The following SH3D19 variants were observed in gnomAD, a reference collection of about 807,000 sequenced individuals.
The protein encoded by SH3D19 is SH3 domain-containing protein 19.
Under a neutral mutation model 112.1 loss-of-function variants are expected in SH3D19, and 58 were observed. The observed-to-expected ratio is 0.52, with a 90% CI of 0.42 to 0.64. The LOEUF (loss-of-function observed/expected upper bound fraction) is 0.64. Ranked by LOEUF, SH3D19 falls within the 30% of genes least tolerant of loss-of-function variation. The probability of loss-of-function intolerance (pLI) is 0.00; values close to 1 mark genes in which losing one functional copy is unlikely to be tolerated. For synonymous variants in SH3D19, 391 were observed against 448.5 expected (o/e 0.87, Z 1.62); for missense variants, 1,090 against 1,263.4 (o/e 0.86, Z 2.08).
intron 19 of SH3D19, among the ~76,000 whole-genome samples, chr4:151,126,455 C>T (rs1450859069): frequency 6.6e-6 from 1 of 152,138 alleles, no homozygotes; most frequent in African/African-American, 2.4e-5. Flanking sequence ...AAAGTGCTTT[C>T]CTCTGACTAT....
chr4:151,183,741 C>A (rs2149842626), intron 3 of SH3D19, among the ~76,000 whole-genome samples: 1 of 152,224 alleles, frequency 6.6e-6, no homozygotes, highest in East Asian at 1.9e-4. Flanking sequence ...CAATGAAAAT[C>A]ACAATAATAT....
At chr4:151,310,911 G>A (rs1166655705) in intron 1 of SH3D19, among the ~76,000 whole-genome samples, 1 of 151,188 alleles carries the variant, frequency 6.6e-6, no homozygotes, top group Non-Finnish European at 1.5e-5. Context: ...GCACTCCCAT[G>A]TTCACTGCAG....
chr4:151,281,041 C>T (rs55855806), intron 1 of SH3D19, among the ~76,000 whole-genome samples: 52,666 of 151,850 alleles, frequency 0.35, 10,306 homozygotes, highest in Non-Finnish European at 0.46. Context: ...ACACAGGATC[C>T]AGACAAAAGG....
intron 7 of SH3D19, among the ~76,000 whole-genome samples, chr4:151,174,006 A>G (rs1469411948): frequency 2.6e-5 from 4 of 152,248 alleles, no homozygotes; most frequent in Admixed American, 1.3e-4. Context: ...GGGATATTTA[A>G]TTGTACTGAT....
intron 15 of SH3D19, 44 bp from the exon 16 acceptor site, chr4:151,133,280 T>C: frequency 6.6e-7 from 1 of 1,507,992 alleles, no homozygotes; most frequent in Non-Finnish European, 9.2e-7. Flanking sequence ...GAGAGTGCTT[T>C]TAAAATGCTT....
intron 2 of SH3D19, among the ~76,000 whole-genome samples, chr4:151,189,111 G>GTTTTT (rs964520016): frequency 3.9e-5 from 6 of 151,940 alleles, no homozygotes; most frequent in African/African-American, 1.5e-4. Context: ...TTTTGTTTTT[G>GTTTTT]TTTTTTGTTT....
chr4:151,151,515 GAATA>G (rs1231908137), intron 9 of SH3D19, among the ~76,000 whole-genome samples: 2 of 151,030 alleles, frequency 1.3e-5, no homozygotes, highest in African/African-American at 4.9e-5. Context: ...AAATTATACT[GAATA>G]TTTATAACCT....
At chr4:151,209,525 C>A (rs1042568826) in intron 2 of SH3D19, among the ~76,000 whole-genome samples, 2 of 152,132 alleles carry the variant, frequency 1.3e-5, no homozygotes, top group Non-Finnish European at 2.9e-5. Flanking sequence ...AGTGATCTGC[C>A]CACCTCGGCC....
rs189457782 is a variant in SH3D19 at position 151,165,211 on chromosome 4, G to A, written c.1642+378C>T. ...ACAAAAATTAGCCAGGTGTGGTGGC[G>A]TGTGCCTGTAGTCCCAGCTACTCAG... On this transcript the variant is annotated intron_variant, in intron 8 of 19. Coordinates refer to ENST00000604030, the MANE Select transcript of SH3D19 (RefSeq NM_001378122.1). 1.6e-3 allele frequency among the ~76,000 whole-genome samples: 246 copies of A among 152,230 alleles called. 4 individuals are homozygous for A. Among genetic ancestry groups the A allele is most frequent in the Admixed American group, 0.016 (241 of 15,292 alleles).
intron 1 of SH3D19, among the ~76,000 whole-genome samples, chr4:151,273,866 A>G (rs1482253568): frequency 2.0e-5 from 3 of 152,220 alleles, no homozygotes. Context: ...ACCATAAATT[A>G]ATTGGAATAT....
At chr4:151,154,371 C>T (rs576527516) in intron 9 of SH3D19, among the ~76,000 whole-genome samples, 30 of 150,272 alleles carry the variant, frequency 2.0e-4, no homozygotes, top group African/African-American at 6.0e-4. Flanking sequence ...CGACCTCAGG[C>T]GATCCGCCCG....
chr4:151,127,104 G>T (rs980483983), intron 19 of SH3D19, among the ~76,000 whole-genome samples: 12 of 151,908 alleles, frequency 7.9e-5, no homozygotes, highest in African/African-American at 2.9e-4. Flanking sequence ...GTAGAGACGG[G>T]GTTTCACCGT....
At chr4:151,197,065 G>C (rs1409251067) in intron 2 of SH3D19, among the ~76,000 whole-genome samples, 1 of 152,142 alleles carries the variant, frequency 6.6e-6, no homozygotes, top group Non-Finnish European at 1.5e-5. Flanking sequence ...AACTAGTACA[G>C]CCACTATGGA....
intron 8 of SH3D19, among the ~76,000 whole-genome samples, chr4:151,161,764 CTTTT>C (rs1246826788): frequency 8.2e-6 from 1 of 122,508 alleles, no homozygotes; most frequent in Non-Finnish European, 1.8e-5. Flanking sequence ...ATTCATACCT[CTTTT>C]TTTTTTTTTT....
Position 151,256,013 on chromosome 4 carries a change from GGGGAGAGGGAGA to G in SH3D19, c.113-29939_113-29928del, listed in dbSNP as rs79688983. Among the ~76,000 whole-genome samples the G allele has an allele frequency of 6.7e-4, 71 of 105,298 alleles. 2 individuals carry two copies. Among genetic ancestry groups the G allele is most frequent in the East Asian group, 1.4e-3 (5 of 3,664 alleles). The allele number at this position is 105,298 out of a possible 152,430, so 69.1% of individuals were successfully genotyped here. A position where few individuals can be genotyped will look rare whatever the true frequency, so the allele number is the denominator to read the frequency against. On this transcript the variant is annotated intron_variant, in intron 1 of 19. Coordinates refer to ENST00000604030, the MANE Select transcript of SH3D19 (RefSeq NM_001378122.1). ...TGAGAGGGAGACCGTGGAAAGAGAG[GGGGAGAGGGAGA>G]GGGAGAGGGAGAGGGAGAGGGAGAG...
At chr4:151,168,675 C>T (rs1561271158) in intron 7 of SH3D19, among the ~76,000 whole-genome samples, 1 of 152,094 alleles carries the variant, frequency 6.6e-6, no homozygotes, top group African/African-American at 2.4e-5. Context: ...TCAAGTGATC[C>T]TCCCACCTTG....
At chr4:151,233,376 G>A (rs1196207895) in intron 1 of SH3D19, among the ~76,000 whole-genome samples, 1 of 152,134 alleles carries the variant, frequency 6.6e-6, no homozygotes. Context: ...GTGCCAAAAA[G>A]GTTGGGGACC....
chr4:151,232,849 C>A (rs1406888582), intron 1 of SH3D19, among the ~76,000 whole-genome samples: 1 of 151,700 alleles, frequency 6.6e-6, no homozygotes, highest in Non-Finnish European at 1.5e-5. Context: ...CAGCTTAAGA[C>A]AACAAAAATG....
chr4:151,255,114 T>G (rs1284517505), intron 1 of SH3D19, among the ~76,000 whole-genome samples: 6 of 145,168 alleles, frequency 4.1e-5, no homozygotes, highest in East Asian at 2.1e-4. Flanking sequence ...GCGGCTGGCC[T>G]GGCGGGGGGC....
Sources: gnomAD v4.1 joint callset for allele counts (sites outside exome capture counted in the v4.1 genomes callset) on GRCh38, gnomAD v4.1.1 for gene constraint, MANE v1.5 for transcripts, NCBI Gene and HGNC (gene_info 2026-07-23, HGNC 2026-07-21) for gene names.